The following NFATC2 variants were observed in gnomAD, a reference collection of about 807,000 sequenced individuals.
The protein encoded by NFATC2 is nuclear factor of activated T cells 2.
NFATC2 carries 22 observed loss-of-function variants against 87.3 expected under a neutral mutation model. That is an observed-to-expected ratio of 0.25 (90% CI 0.18 to 0.36). NFATC2 has a LOEUF of 0.36. Among genes scored for constraint, NFATC2 ranks in the 10% least tolerant of loss-of-function variants. The pLI is 1.00. For synonymous variants in NFATC2, 565 were observed against 542.2 expected, an observed-to-expected ratio of 1.04 and a Z score of -0.58; for missense variants, 1,149 against 1,259.1, an observed-to-expected ratio of 0.91 and a Z score of 1.32.
At chr20:51,435,391 A>G in intron 7 of NFATC2, 77 bp from the exon 8 acceptor site, 3 of 1,593,690 alleles carry the variant, frequency 1.9e-6, no homozygotes, top group Non-Finnish European at 2.6e-6. Flanking sequence ...GCATCCAGGC[A>G]GCCCACTGTC....
At chr20:51,460,074 C>T (rs1188732503) in intron 5 of NFATC2, among the ~76,000 whole-genome samples, 1 of 152,336 alleles carries the variant, frequency 6.6e-6, no homozygotes, top group African/African-American at 2.4e-5. Context: ...CCATGCTTAG[C>T]ACACAGTAAC....
At position 51,516,930 on chromosome 20, in the gene NFATC2, G is replaced by C; in HGVS notation, c.1186C>G (p.Pro396Ala). The C allele has an allele frequency of 6.2e-7, 1 of 1,613,572 alleles. No homozygotes were observed. The highest frequency in any genetic ancestry group is 8.5e-7 in the Non-Finnish European group (1 of 1,179,768). The change falls in exon 3 of 11, where the codon CCA becomes GCA. Residue 396 changes from proline (P) to alanine (A), a missense_variant. Physicochemically the swap from Pro to Ala is conservative, Grantham distance 27 (BLOSUM62 -1). Around this residue, in one of 3 missense-constraint regions of NFATC2, gnomAD observed 563 missense variants for 585.2 expected, o/e 0.96. Coordinates refer to ENST00000371564, the MANE Select transcript of NFATC2 (RefSeq NM_012340.5). The part of the protein sequence containing the change: ...CSIPVTASLP[P>A]LEWPLSSQSG... The stretch of plus-strand genomic sequence containing the variant: ...TGACTGGACAGCGGCCACTCAAGTG[G>C]AGGGAGGGATGCAGTCACTGGGATG...
Position 51,525,367 on chromosome 20 carries a change from CTA to C in NFATC2, c.131-1259_131-1258del, listed in dbSNP as rs1040568094. ...CAGAATGCTGTTCAAGTAGAATGTT[CTA>C]TGTCAGCCACCCAAGGACACTGCCA... On this transcript the variant is annotated intron_variant, in intron 1 of 10. Transcript: ENST00000371564. Among the ~76,000 whole-genome samples, 37 of 152,302 alleles carry C rather than the reference CTA, an allele frequency of 2.4e-4. 2 individuals are homozygous for C. Among genetic ancestry groups the C allele is most frequent in the African/African-American group, 8.4e-4 (35 of 41,570 alleles).
chr20:51,523,281 G>A lies in NFATC2; in HGVS notation c.960C>T (p.Pro320=), dbSNP rs750021940. ...GGTCAGGGCTGGTCTTCCACATCTT[G>A]GGGGGGATCCCACAAGGCGAGTCCG... ...LATDSPCGIP[P]KMWKTSPDPS... is the part of the protein sequence containing the mutation. Residue 320 remains proline (P), a synonymous_variant, in exon 2 of 11, where the codon CCC becomes CCT. Transcript: ENST00000371564. This position sits in a 1 kb window ranked among gnomAD's most constrained non-coding sequence, Gnocchi z 6.9. 1.5e-5 allele frequency: 25 copies of A among 1,613,570 alleles called. No homozygotes were observed. Among genetic ancestry groups the A allele is most frequent in the African/African-American group, 1.3e-5 (1 of 74,912 alleles).
At chr20:51,506,674 C>T (rs969024319) in intron 3 of NFATC2, among the ~76,000 whole-genome samples, 2 of 152,174 alleles carry the variant, frequency 1.3e-5, no homozygotes, top group Admixed American at 1.3e-4. Flanking sequence ...AGAAGGGCAG[C>T]AGGGCCAGCT....
intron 3 of NFATC2, among the ~76,000 whole-genome samples, chr20:51,490,258 A>C (rs979033565): frequency 2.0e-5 from 3 of 152,224 alleles, no homozygotes; most frequent in African/African-American, 7.2e-5. Context: ...GAGGTATTAT[A>C]ATTTTAAACA....
At chr20:51,429,234 G>A (rs955845804) in intron 9 of NFATC2, among the ~76,000 whole-genome samples, 17 of 152,220 alleles carry the variant, frequency 1.1e-4, no homozygotes, top group Non-Finnish European at 1.9e-4. Flanking sequence ...TGGTGGCTAC[G>A]GTGGAGATGC....
chr20:51,416,730 C>T (rs930823904), intron 9 of NFATC2, among the ~76,000 whole-genome samples: 1 of 152,112 alleles, frequency 6.6e-6, no homozygotes, highest in Non-Finnish European at 1.5e-5. Flanking sequence ...TCCTTTAAAC[C>T]TCAAGCACTG....
At chr20:51,553,719 G>C (rs2076954060) in intron 1 of NFATC2, among the ~76,000 whole-genome samples, 1 of 149,574 alleles carries the variant, frequency 6.7e-6, no homozygotes, top group African/African-American at 2.5e-5. Context: ...CAGTAAACCT[G>C]CCTCCCCCTT....
intron 9 of NFATC2, among the ~76,000 whole-genome samples, chr20:51,431,776 A>G (rs1173872349): frequency 2.6e-5 from 4 of 151,788 alleles, no homozygotes; most frequent in Admixed American, 2.6e-4. Flanking sequence ...GACCCAGTTC[A>G]TGACCCAGGG....
intron 9 of NFATC2, among the ~76,000 whole-genome samples, chr20:51,415,501 T>G (rs1013624026): frequency 9.9e-5 from 15 of 152,040 alleles, no homozygotes; most frequent in African/African-American, 3.1e-4. Flanking sequence ...TCTCTGGGGA[T>G]CCAGGAAAAC....
At position 51,396,877 on chromosome 20, in the gene NFATC2, G is replaced by GTAAGT. The variant is rs142781647; in HGVS notation, c.*44+1761_*44+1765dup. 9.9e-3 allele frequency among the ~76,000 whole-genome samples: 1,505 copies of GTAAGT among 152,140 alleles called. 30 individuals carry two copies. Among genetic ancestry groups the GTAAGT allele is most frequent in the African/African-American group, 0.035 (1,459 of 41,496 alleles). On this transcript the variant is annotated intron_variant, in intron 10 of 10. Coordinates refer to ENST00000371564, the MANE Select transcript of NFATC2 (RefSeq NM_012340.5). ...GGGAAGCGACTCTGAAGGCCAAGAG[G>GTAAGT]TAAGTTTCCTAAGCAACCGGGCCTG...
chr20:51,478,947 A>T (rs1988990150), intron 3 of NFATC2, among the ~76,000 whole-genome samples: 1 of 152,206 alleles, frequency 6.6e-6, no homozygotes, highest in African/African-American at 2.4e-5. Context: ...TTCCTGAACC[A>T]GATTAGATGC....
intron 1 of NFATC2, 125 bp downstream of exon 1, chr20:51,542,245 G>C: frequency 1.6e-6 from 2 of 1,252,660 alleles, no homozygotes; most frequent in Non-Finnish European, 2.1e-6. Flanking sequence ...ACCTGGGTAG[G>C]GGCACCCTCC....
intron 5 of NFATC2, among the ~76,000 whole-genome samples, chr20:51,463,703 G>GCCTGCAGGCGCCCACAC (rs1458896477): frequency 2.0e-5 from 3 of 152,164 alleles, no homozygotes; most frequent in Non-Finnish European, 4.4e-5. Flanking sequence ...CGGAGCCTCA[G>GCCTGCAGGCGCCCACAC]CCTGCAGGCG....
intron 6 of NFATC2, among the ~76,000 whole-genome samples, chr20:51,439,725 C>G (rs1222092909): frequency 6.6e-6 from 1 of 152,214 alleles, no homozygotes; most frequent in Non-Finnish European, 1.5e-5. Flanking sequence ...CTTCTGTCAC[C>G]CCAGTGCTCT....
At chr20:51,410,559 A>AGG (rs1491397492) in intron 9 of NFATC2, among the ~76,000 whole-genome samples, 3 of 145,380 alleles carry the variant, frequency 2.1e-5, no homozygotes, top group Non-Finnish European at 4.7e-5. Context: ...AGGGAGAGAA[A>AGG]GAGGGAGAGA....
At chr20:51,550,278 C>A (rs2076921979) in intron 1 of NFATC2, among the ~76,000 whole-genome samples, 1 of 152,082 alleles carries the variant, frequency 6.6e-6, no homozygotes, top group African/African-American at 2.4e-5. Flanking sequence ...AAGAGTAAGA[C>A]CCCATGTCTA....
chr20:51,474,235 C>G lies in NFATC2; in HGVS notation c.1536-83G>C. On this transcript the variant is annotated intron_variant, in intron 4 of 10. Transcript: ENST00000371564. ...ACCCCCAAAGCTGCCAGTCTACAGCCAGTCACTGGGGGAAACTGCAATACA... is the reference window on the plus strand; with the variant it reads ...ACCCCCAAAGCTGCCAGTCTACAGCGAGTCACTGGGGGAAACTGCAATACA... 3 of 1,528,356 alleles carry G rather than the reference C, an allele frequency of 2.0e-6. 1 individual carries two copies. The South Asian group carries it at 3.7e-5, about 19-fold the overall frequency. 94.7% of individuals were successfully genotyped at this position (1,528,356 alleles called of 1,614,324 possible). A position where few individuals can be genotyped will look rare whatever the true frequency, so the allele number is the denominator to read the frequency against.
Sources: allele counts gnomAD v4.1 joint callset (sites outside exome capture counted in the v4.1 genomes callset), GRCh38; gene constraint gnomAD v4.1.1; regional missense constraint gnomAD v4.1.1; non-coding constraint Gnocchi (gnomAD v3.1); transcripts MANE v1.5; gene names NCBI Gene and HGNC (gene_info 2026-07-23, HGNC 2026-07-21).